TNKS: variants seen among roughly 807,000 people sequenced by gnomAD.
TNKS encodes tankyrase.
TNKS carries 72 observed loss-of-function variants against 135.8 expected under a neutral mutation model. That is an observed-to-expected ratio of 0.53 (90% CI 0.44 to 0.64). TNKS has a LOEUF of 0.64. Among genes scored for constraint, TNKS ranks in the 30% least tolerant of loss-of-function variants. The pLI is 0.00. For missense variants in TNKS, 1,769 were observed against 1,674.0 expected (o/e 1.06, Z -0.99); for synonymous variants, 849 against 649.3 (o/e 1.31, Z -4.68).
At chr8:9,591,790 A>G (rs780875822) in intron 2 of TNKS, among the ~76,000 whole-genome samples, 3 of 152,192 alleles carry the variant, frequency 2.0e-5, no homozygotes, top group Non-Finnish European at 4.4e-5. Context: ...TTAAAATAGC[A>G]AAGTATTTGG....
At position 9,568,369 on chromosome 8, in the gene TNKS, A is replaced by G. The variant is rs1797630200; in HGVS notation, c.673+11757A>G. On this transcript the variant is annotated intron_variant, in intron 1 of 26. Coordinates refer to ENST00000310430, the MANE Select transcript of TNKS (RefSeq NM_003747.3). ...CTGCCCTTAAGAAAGCTTATAGTAAAAATGCAGTGTTTCTCAAACTTTTTG... is the reference window on the plus strand; with the variant it reads ...CTGCCCTTAAGAAAGCTTATAGTAAGAATGCAGTGTTTCTCAAACTTTTTG... Among the ~76,000 whole-genome samples the G allele has an allele frequency of 2.0e-5, 3 of 152,188 alleles. No individual in the cohort carries two copies. The South Asian group carries it at 6.2e-4, about 31-fold the overall frequency.
At chr8:9,605,559 A>G (rs1477769753) in intron 2 of TNKS, among the ~76,000 whole-genome samples, 1 of 152,078 alleles carries the variant, frequency 6.6e-6, no homozygotes, top group Non-Finnish European at 1.5e-5. Flanking sequence ...TATATAAGGA[A>G]CTGCTAAACT....
rs145610723 is a variant in TNKS, at chr8:9,680,660, T to C, written c.1032-65T>C. 9.6e-6 allele frequency: 11 copies of C among 1,146,004 alleles called. No individual in the cohort carries two copies. In the East Asian group the frequency reaches 2.1e-4, roughly 22 times the overall value. The allele number at this position is 1,146,004 out of a possible 1,614,324, so 71.0% of individuals were successfully genotyped here. On this transcript the variant is annotated intron_variant, in intron 4 of 26. Transcript: ENST00000310430. Reference sequence around the variant, plus strand: ...CATATTTTACTCTCGTGTGAAAAAATTATGCATAAATATTCATAAGAAGCT... The same window carrying C: ...CATATTTTACTCTCGTGTGAAAAAACTATGCATAAATATTCATAAGAAGCT...
intron 16 of TNKS, 70 bp downstream of exon 16, chr8:9,735,154 G>A (rs1045348144): frequency 1.1e-5 from 16 of 1,465,160 alleles, no homozygotes; most frequent in African/African-American, 2.8e-5. Flanking sequence ...ACTAAAAGAC[G>A]AAAGCCATGC....
intron 25 of TNKS, among the ~76,000 whole-genome samples, chr8:9,766,840 C>T (rs893732612): frequency 2.0e-5 from 3 of 152,226 alleles, no homozygotes; most frequent in East Asian, 1.9e-4. Context: ...TCTTGCATCC[C>T]GGTAAATCCC....
chr8:9,625,958 T>TTG (rs918774519), intron 3 of TNKS, among the ~76,000 whole-genome samples: 109 of 152,296 alleles, frequency 7.2e-4, no homozygotes, highest in Middle Eastern at 3.4e-3. Flanking sequence ...TTCTATATCC[T>TTG]TGCTGATTTT....
At chr8:9,616,997 C>T (rs979934435) in intron 3 of TNKS, among the ~76,000 whole-genome samples, 2 of 152,194 alleles carry the variant, frequency 1.3e-5, no homozygotes, top group African/African-American at 4.8e-5. Flanking sequence ...GTTATAAATG[C>T]TGAGCAAGAC....
In TNKS at chr8:9,766,541, C is replaced by T. The variant is rs184160083; in HGVS notation, c.3740+116C>T. 4,135 of 949,630 alleles carry T rather than the reference C, an allele frequency of 4.4e-3. 16 individuals are homozygous for T. The highest frequency in any genetic ancestry group is 4.5e-3 in the Non-Finnish European group (3,145 of 700,422). 58.8% of individuals were successfully genotyped at this position (949,630 alleles called of 1,614,324 possible). On this transcript the variant is annotated intron_variant, in intron 25 of 26. Transcript: ENST00000310430. ...TGCTCTTGTCACCCAGGCTGGAGTG[C>T]GGTGGCACGATCCTGGCTCACGCAA...
At chr8:9,694,070 G>T (rs1362706651) in intron 5 of TNKS, among the ~76,000 whole-genome samples, 2 of 152,114 alleles carry the variant, frequency 1.3e-5, no homozygotes, top group East Asian at 3.9e-4. Flanking sequence ...CAGTTTAGAG[G>T]GCTCTCTGAG....
chr8:9,565,079 G>A (rs879293400), intron 1 of TNKS, among the ~76,000 whole-genome samples: 2 of 151,642 alleles, frequency 1.3e-5, no homozygotes, highest in South Asian at 2.1e-4. Flanking sequence ...TTGTGTGCCC[G>A]TTGTTTTTCT....
intron 20 of TNKS, among the ~76,000 whole-genome samples, chr8:9,756,976 T>TTTTG (rs1563213941): frequency 2.4e-4 from 37 of 151,864 alleles, no homozygotes; most frequent in Admixed American, 2.4e-3. Flanking sequence ...TGTTTGTTTT[T>TTTTG]TTTTGTTTGT....
intron 5 of TNKS, among the ~76,000 whole-genome samples, chr8:9,697,154 A>G (rs1563173551): frequency 6.6e-6 from 1 of 152,180 alleles, no homozygotes; most frequent in Non-Finnish European, 1.5e-5. Context: ...CCACATACCT[A>G]TAATCATCTG....
intron 2 of TNKS, 165 bp from the exon 3 acceptor site, chr8:9,615,417 G>T: frequency 1.0e-5 from 5 of 501,330 alleles, no homozygotes; most frequent in Non-Finnish European, 1.7e-5. Context: ...ACTCTAGAGA[G>T]GCTCCTTTGC....
Position 9,683,442 on chromosome 8 carries a change from C to G in TNKS, c.1107+2642C>G, listed in dbSNP as rs80050951. Reference sequence around the variant, plus strand: ...TAAATCAGGCATATAAAGTTTATTTCCTGAATTTCATTTTAGAACACAGCG... The same window carrying G: ...TAAATCAGGCATATAAAGTTTATTTGCTGAATTTCATTTTAGAACACAGCG... On this transcript the variant is annotated intron_variant, in intron 5 of 26. Transcript: ENST00000310430. Among the ~76,000 whole-genome samples, 352 of 152,016 alleles carry G rather than the reference C, an allele frequency of 2.3e-3. 10 individuals carry two copies. In the East Asian group the frequency reaches 0.058, roughly 25 times the overall value.
At chr8:9,567,509 G>A (rs554064914) in intron 1 of TNKS, among the ~76,000 whole-genome samples, 8 of 151,736 alleles carry the variant, frequency 5.3e-5, no homozygotes, top group South Asian at 2.1e-4. Context: ...TCTGCCTCCC[G>A]GGTTCACGCC....
intron 25 of TNKS, among the ~76,000 whole-genome samples, chr8:9,769,187 G>A (rs1243627999): frequency 1.3e-5 from 2 of 152,178 alleles, no homozygotes; most frequent in Non-Finnish European, 2.9e-5. Context: ...CAGACTATAT[G>A]TAAATGAATG....
intron 5 of TNKS, among the ~76,000 whole-genome samples, chr8:9,683,801 GTT>G (rs1295879299): frequency 1.3e-5 from 2 of 151,732 alleles, no homozygotes; most frequent in African/African-American, 4.8e-5. Flanking sequence ...TTAATATTTT[GTT>G]TCCCAAAGAC....
At chr8:9,746,027 T>C (rs1806217252) in intron 17 of TNKS, among the ~76,000 whole-genome samples, 1 of 152,204 alleles carries the variant, frequency 6.6e-6, no homozygotes, top group African/African-American at 2.4e-5. Context: ...TTTCCCATTC[T>C]CATAAATGTC....
At chr8:9,589,546 T>G (rs1798511347) in intron 2 of TNKS, among the ~76,000 whole-genome samples, 1 of 152,228 alleles carries the variant, frequency 6.6e-6, no homozygotes, top group Admixed American at 6.5e-5. Context: ...TCCACTCTTG[T>G]TGCTAAACCT....
Sources: allele counts gnomAD v4.1 joint callset (sites outside exome capture counted in the v4.1 genomes callset), GRCh38; gene constraint gnomAD v4.1.1; transcripts MANE v1.5; gene names NCBI Gene and HGNC (gene_info 2026-07-23, HGNC 2026-07-21).